DNAH6: variants seen among roughly 807,000 people sequenced by gnomAD.
DNAH6 encodes dynein axonemal heavy chain 6, also known as axonemal beta dynein heavy chain 6.
A neutral mutation model predicts 491.4 loss-of-function variants in DNAH6; 340 were observed. The observed-to-expected ratio is 0.69, with a 90% confidence interval of 0.63 to 0.76. The LOEUF (loss-of-function observed/expected upper bound fraction) is 0.76, where lower values mean the gene tolerates loss of function less well. Ranked by LOEUF, DNAH6 falls within the 30% of genes least tolerant of loss-of-function variation. DNAH6 has a pLI of 0.00. For synonymous variants in DNAH6, 1,603 were observed against 1,686.1 expected (o/e 0.95, Z 1.21); for missense variants, 4,443 against 4,972.2 (o/e 0.89, Z 3.20).
At chr2:84,563,752 A>G (rs1285218970) in intron 11 of DNAH6, among the ~76,000 whole-genome samples, 1 of 152,136 alleles carries the variant, frequency 6.6e-6, no homozygotes, top group Non-Finnish European at 1.5e-5. Flanking sequence ...GCAAACAACC[A>G]ACAATTCTTT....
At chr2:84,715,706 G>A (rs996049886) in intron 58 of DNAH6, 79 bp downstream of exon 58, 4 of 1,366,170 alleles carry the variant, frequency 2.9e-6, no homozygotes, top group Non-Finnish European at 4.1e-6. Flanking sequence ...TATTGACAAA[G>A]ACAATGTTCT....
chr2:84,559,824 T>C (rs959443391), intron 11 of DNAH6, among the ~76,000 whole-genome samples: 1 of 151,634 alleles, frequency 6.6e-6, no homozygotes, highest in Non-Finnish European at 1.5e-5. Context: ...AAATTAAAAA[T>C]ACAAATGGAA....
At chr2:84,618,394 C>T (rs1687083252) in intron 23 of DNAH6, among the ~76,000 whole-genome samples, 1 of 152,234 alleles carries the variant, frequency 6.6e-6, no homozygotes, top group East Asian at 1.9e-4. Context: ...CCTTCTCAGT[C>T]ACATAGAAGA....
At chr2:84,775,439 T>C (rs1477885003) in intron 64 of DNAH6, among the ~76,000 whole-genome samples, 1 of 152,154 alleles carries the variant, frequency 6.6e-6, no homozygotes, top group Non-Finnish European at 1.5e-5. Context: ...TTTTCGCATC[T>C]ATGTTCATCA....
rs141830807 is a variant in DNAH6, at chr2:84,542,457, T to C, written c.663-1776T>C. Among the ~76,000 whole-genome samples, 109 of 152,274 alleles carry C rather than the reference T, an allele frequency of 7.2e-4. 1 individual carries two copies. Among genetic ancestry groups the C allele is most frequent in the African/African-American group, 2.4e-3 (101 of 41,572 alleles). ...TCCAGACATTTCTGGGGTGAGTTAA[T>C]TAGAACACAGACAAAAAGTCAGATA... On this transcript the variant is annotated intron_variant, in intron 4 of 76. Transcript: ENST00000389394.
the DNAH6 span, among the ~76,000 whole-genome samples, chr2:84,500,012 G>A: frequency 6.6e-6 from 1 of 151,746 alleles, no homozygotes; most frequent in Admixed American, 6.6e-5. Flanking sequence ...ACCCTTTGCT[G>A]TGCAGAAGCT....
intron 37 of DNAH6, among the ~76,000 whole-genome samples, chr2:84,666,421 A>G (rs1176730483): frequency 6.6e-6 from 1 of 152,216 alleles, no homozygotes; most frequent in Non-Finnish European, 1.5e-5. Context: ...ATACAAAATC[A>G]ATGTGCTAAA....
intron 68 of DNAH6, among the ~76,000 whole-genome samples, chr2:84,790,945 A>C (rs1677672055): frequency 6.6e-6 from 1 of 152,188 alleles, no homozygotes; most frequent in South Asian, 2.1e-4. Context: ...TAATCCCAGC[A>C]CTTTGGGAGG....
At chr2:84,573,794 A>C (rs1456214195) in intron 12 of DNAH6, among the ~76,000 whole-genome samples, 1 of 152,156 alleles carries the variant, frequency 6.6e-6, no homozygotes, top group Non-Finnish European at 1.5e-5. Flanking sequence ...CTTTTATTTC[A>C]GGATATTATG....
At chr2:84,720,799 C>T (rs1698071365) in intron 59 of DNAH6, among the ~76,000 whole-genome samples, 1 of 152,122 alleles carries the variant, frequency 6.6e-6, no homozygotes, top group Non-Finnish European at 1.5e-5. Flanking sequence ...TAAGCCTTTT[C>T]CTACAATTTT....
Position 84,785,657 on chromosome 2 carries a change from A to T in DNAH6, c.11001A>T (p.Ala3667=). The T allele has an allele frequency of 6.5e-7, 1 of 1,549,006 alleles. No homozygotes were observed. The highest frequency in any genetic ancestry group is 1.2e-5 in the South Asian group (1 of 83,120). ...PKGLRANIRR[A]FTEMTPSFFE... Reference sequence around the variant, plus strand: ...GCTTACGTGCAAATATCAGACGAGCATTTACTGAAATGACACCTTCGTTTT... The same window carrying T: ...GCTTACGTGCAAATATCAGACGAGCTTTTACTGAAATGACACCTTCGTTTT... Residue 3667 remains alanine, a synonymous_variant, in exon 67 of 77, where the codon GCA becomes GCT. Transcript: ENST00000389394.
intron 19 of DNAH6, among the ~76,000 whole-genome samples, 174 bp from the exon 20 acceptor site, chr2:84,605,326 C>T (rs1685653884): frequency 6.9e-6 from 1 of 144,544 alleles, no homozygotes; most frequent in South Asian, 2.2e-4. Context: ...GCACTCCAGC[C>T]TGGGTGACAG....
intron 64 of DNAH6, among the ~76,000 whole-genome samples, chr2:84,766,233 A>C (rs1675059966): frequency 6.6e-6 from 1 of 152,190 alleles, no homozygotes; most frequent in East Asian, 1.9e-4. Context: ...TTCTATACTT[A>C]ACAAATATAA....
At chr2:84,576,217 AAGTG>A (rs551151006) in intron 12 of DNAH6, among the ~76,000 whole-genome samples, 3 of 152,194 alleles carry the variant, frequency 2.0e-5, no homozygotes, top group Non-Finnish European at 4.4e-5. Flanking sequence ...AAACCTTCTG[AAGTG>A]AGTAAGGGAG....
intron 59 of DNAH6, among the ~76,000 whole-genome samples, chr2:84,721,429 T>A (rs1012446766): frequency 9.2e-5 from 14 of 152,158 alleles, no homozygotes; most frequent in Non-Finnish European, 1.8e-4. Flanking sequence ...TTCCCCTCCC[T>A]TTCCTGGTGG....
chr2:84,701,624 A>G (rs1473473436), intron 49 of DNAH6, among the ~76,000 whole-genome samples: 3 of 152,178 alleles, frequency 2.0e-5, no homozygotes, highest in African/African-American at 7.2e-5. Context: ...AAACAGGCAC[A>G]TTTTATGTGG....
At chr2:84,662,110 T>TA (rs567137079) in intron 37 of DNAH6, among the ~76,000 whole-genome samples, 41 of 149,732 alleles carry the variant, frequency 2.7e-4, no homozygotes, top group South Asian at 1.9e-3. Flanking sequence ...CCTTGAGGTT[T>TA]AAAAAAAAAA....
chr2:84,490,562 AAT>A, the DNAH6 span, among the ~76,000 whole-genome samples: 1 of 152,010 alleles, frequency 6.6e-6, no homozygotes, highest in Non-Finnish European at 1.5e-5. Flanking sequence ...TAGAATCATG[AAT>A]ATATTATTTA....
At chr2:84,614,950 A>AT (rs1269902794) in intron 22 of DNAH6, among the ~76,000 whole-genome samples, 3 of 151,700 alleles carry the variant, frequency 2.0e-5, no homozygotes, top group East Asian at 1.9e-4. Flanking sequence ...GATTCTGAAG[A>AT]TTTTTTCCCA....
Sources: gnomAD v4.1 joint callset for allele counts (sites outside exome capture counted in the v4.1 genomes callset) on GRCh38, gnomAD v4.1.1 for gene constraint, MANE v1.5 for transcripts, NCBI Gene and HGNC (gene_info 2026-07-23, HGNC 2026-07-21) for gene names.